DLG2: variants seen among roughly 807,000 people sequenced by gnomAD.
DLG2 encodes the protein disks large homolog 2.
In DLG2, 45 loss-of-function variants were observed where a neutral mutation model predicts 132.5. The observed-to-expected ratio is 0.34, with a 90% CI of 0.27 to 0.44. The LOEUF (loss-of-function observed/expected upper bound fraction) is 0.44, where lower values mean the gene tolerates loss of function less well. Among genes scored for constraint, DLG2 ranks in the 20% least tolerant of loss-of-function variants. DLG2 has a pLI of 1.00. For missense variants in DLG2, 1,045 were observed against 1,196.9 expected (o/e 0.87, Z 1.87); for synonymous variants, 424 against 419.6 (o/e 1.01, Z -0.13).
chr11:85,618,694 G>A lies in DLG2; in HGVS notation c.-93+7893C>T, dbSNP rs559044902. 8.5e-5 allele frequency among the ~76,000 whole-genome samples: 13 copies of A among 152,234 alleles called. No individual in the cohort carries two copies. The South Asian group carries it at 2.7e-3, about 32-fold the overall frequency. ...AGAATCATTCATATCCAAAACCTCA[G>A]CATCACACAATATACTCATGTAACA... On this transcript the variant is annotated intron_variant, in intron 2 of 27. Transcript: ENST00000376104.
intron 19 of DLG2, among the ~76,000 whole-genome samples, chr11:83,546,789 G>A (rs574062275): frequency 1.8e-4 from 28 of 152,052 alleles, no homozygotes; most frequent in Admixed American, 3.3e-4. Flanking sequence ...GTGATACTAT[G>A]GACTAGCCTG....
intron 18 of DLG2, among the ~76,000 whole-genome samples, chr11:83,648,452 G>T (rs920931196): frequency 6.6e-6 from 1 of 152,032 alleles, no homozygotes; most frequent in Non-Finnish European, 1.5e-5. Flanking sequence ...CAGGACAAAG[G>T]GTACTAAGTC....
At chr11:84,345,804 A>AC (rs1426390283) in intron 7 of DLG2, among the ~76,000 whole-genome samples, 5 of 152,170 alleles carry the variant, frequency 3.3e-5, no homozygotes, top group Admixed American at 3.3e-4. Context: ...ATTTATTGGA[A>AC]CATGGCCAGG....
chr11:84,445,850 AGCTT>A (rs1450667970), intron 7 of DLG2, among the ~76,000 whole-genome samples: 1 of 139,450 alleles, frequency 7.2e-6, no homozygotes, highest in Admixed American at 7.9e-5. Flanking sequence ...CGGGAGGCGG[AGCTT>A]GCAGTGAGCC....
chr11:84,445,876 A>G (rs919022437), intron 7 of DLG2, among the ~76,000 whole-genome samples: 1 of 143,868 alleles, frequency 7.0e-6, no homozygotes, highest in African/African-American at 2.6e-5. Context: ...AGATGGTGTC[A>G]CTGCACTCCA....
chr11:84,586,635 AT>A (rs1381830165), intron 6 of DLG2, among the ~76,000 whole-genome samples: 3 of 151,552 alleles, frequency 2.0e-5, no homozygotes, highest in Non-Finnish European at 4.4e-5. Flanking sequence ...ATTTGAAACT[AT>A]TTTTCTATAT....
intron 3 of DLG2, among the ~76,000 whole-genome samples, chr11:85,537,790 A>C (rs1335726713): frequency 1.3e-5 from 2 of 151,970 alleles, no homozygotes; most frequent in Non-Finnish European, 2.9e-5. Context: ...TGAACATCTG[A>C]AGGAACAAAC....
intron 19 of DLG2, among the ~76,000 whole-genome samples, chr11:83,579,395 G>T (rs918781743): frequency 6.6e-6 from 1 of 152,072 alleles, no homozygotes; most frequent in Admixed American, 6.5e-5. Flanking sequence ...CTTAGACTAC[G>T]TAGCTATGGC....
intron 4 of DLG2, among the ~76,000 whole-genome samples, chr11:85,200,137 G>A (rs987996468): frequency 3.3e-5 from 5 of 152,112 alleles, no homozygotes; most frequent in South Asian, 4.1e-4. Context: ...CACCTAGGGG[G>A]GTCATTTCGA....
At chr11:83,860,343 G>A (rs1278222819) in intron 16 of DLG2, among the ~76,000 whole-genome samples, 1 of 152,182 alleles carries the variant, frequency 6.6e-6, no homozygotes, top group Non-Finnish European at 1.5e-5. Context: ...CACAGGAGTG[G>A]AGCTGCCCAA....
intron 18 of DLG2, among the ~76,000 whole-genome samples, chr11:83,724,544 A>G (rs991807613): frequency 6.7e-5 from 10 of 148,298 alleles, no homozygotes; most frequent in Non-Finnish European, 1.3e-4. Context: ...CTAGCAGTTC[A>G]CATGAGATAA....
intron 6 of DLG2, among the ~76,000 whole-genome samples, chr11:85,004,449 T>A (rs1353971423): frequency 6.6e-6 from 1 of 152,358 alleles, no homozygotes; most frequent in East Asian, 1.9e-4. Flanking sequence ...GTGGTTTTGA[T>A]TTGCATTTCT....
At chr11:84,549,539 TG>T (rs1360562182) in intron 6 of DLG2, among the ~76,000 whole-genome samples, 1 of 152,190 alleles carries the variant, frequency 6.6e-6, no homozygotes, top group African/African-American at 2.4e-5. Flanking sequence ...GCTCAGTTCC[TG>T]GGTTTAAATC....
chr11:85,502,354 C>T lies in DLG2; in HGVS notation c.40+96303G>A, dbSNP rs1187913430. ...ATGGGTGCAGCAAACCACCACGACA[C>T]GACACGTGTATACCTGTGTAACAAA... On this transcript the variant is annotated intron_variant, in intron 3 of 27. Coordinates refer to ENST00000376104, the MANE Select transcript of DLG2 (RefSeq NM_001142699.3). Among the ~76,000 whole-genome samples the T allele has an allele frequency of 6.6e-5, 10 of 151,580 alleles. No homozygotes were observed. The East Asian group carries it at 9.8e-4, about 15-fold the overall frequency.
At position 84,042,725 on chromosome 11, in the gene DLG2, C is replaced by G. The variant is rs530900283; in HGVS notation, c.919+16590G>C. ...ACCATAAAAAGGAATGAGATCATGT[C>G]CTTTAGAGGGGCATGGATGGAATTG... On this transcript the variant is annotated intron_variant, in intron 11 of 27. Transcript: ENST00000376104. 9.9e-5 allele frequency among the ~76,000 whole-genome samples: 15 copies of G among 151,918 alleles called. No individual in the cohort carries two copies. In the South Asian group the frequency reaches 3.1e-3, roughly 31 times the overall value.
At chr11:84,273,309 A>C in intron 7 of DLG2, 1 of 1,081,044 alleles carries the variant, frequency 9.3e-7, no homozygotes, top group Non-Finnish European at 1.2e-6. Flanking sequence ...TGAAGAGGAA[A>C]AAAAAAAAAA....
chr11:83,642,941 T>C (rs1436929544), intron 18 of DLG2, among the ~76,000 whole-genome samples: 1 of 152,130 alleles, frequency 6.6e-6, no homozygotes, highest in Non-Finnish European at 1.5e-5. Flanking sequence ...GCATAGTCCA[T>C]TGTTAGGAAT....
intron 7 of DLG2, among the ~76,000 whole-genome samples, chr11:84,460,841 T>C (rs924994996): frequency 6.6e-6 from 1 of 150,910 alleles, no homozygotes; most frequent in African/African-American, 2.4e-5. Context: ...CCCATATAAA[T>C]AAAAAATGTG....
At chr11:83,666,283 C>G (rs1340792255) in intron 18 of DLG2, among the ~76,000 whole-genome samples, 1 of 152,122 alleles carries the variant, frequency 6.6e-6, no homozygotes, top group Non-Finnish European at 1.5e-5. Flanking sequence ...ACTCAGAGGT[C>G]CCCAACCCCC....
Sources: gnomAD v4.1 joint callset for allele counts (sites outside exome capture counted in the v4.1 genomes callset) on GRCh38, gnomAD v4.1.1 for gene constraint, MANE v1.5 for transcripts, NCBI Gene and HGNC (gene_info 2026-07-23, HGNC 2026-07-21) for gene names.